DENND1A: variants seen among roughly 807,000 people sequenced by gnomAD.
DENND1A encodes the protein DENN domain containing 1A.
Under a neutral mutation model 113.7 loss-of-function variants are expected in DENND1A, and 51 were observed. The observed-to-expected ratio is 0.45, with a 90% CI of 0.36 to 0.57. The LOEUF is 0.57. Among genes scored for constraint, DENND1A ranks in the 20% least tolerant of loss-of-function variants. The pLI, the probability that DENND1A is intolerant of heterozygous loss-of-function variation, is 0.00. For missense variants in DENND1A, 1,258 were observed against 1,395.9 expected (o/e 0.90, Z 1.57); for synonymous variants, 565 against 570.8 (o/e 0.99, Z 0.14).
intron 12 of DENND1A, among the ~76,000 whole-genome samples, chr9:123,564,428 C>T (rs1288790996): frequency 6.6e-6 from 1 of 152,224 alleles, no homozygotes; most frequent in African/African-American, 2.4e-5. Context: ...TGGAAGGCCC[C>T]GTTTGATTTG....
intron 11 of DENND1A, among the ~76,000 whole-genome samples, chr9:123,595,274 T>C (rs2059633360): frequency 6.6e-6 from 1 of 152,102 alleles, no homozygotes; most frequent in Non-Finnish European, 1.5e-5. Context: ...CATTAACAAG[T>C]CCAGGGATTC....
At chr9:123,401,842 G>A in intron 21 of DENND1A, 1 of 1,614,194 alleles carries the variant, frequency 6.2e-7, no homozygotes, top group Non-Finnish European at 8.5e-7. Flanking sequence ...CCTCTCGTCG[G>A]GAACTTGGCC....
chr9:123,465,267 G>A (rs1015138985), intron 13 of DENND1A, among the ~76,000 whole-genome samples: 1 of 148,900 alleles, frequency 6.7e-6, no homozygotes, highest in Non-Finnish European at 1.5e-5. Flanking sequence ...CAACAGTACA[G>A]TGTGACAGCT....
intron 12 of DENND1A, among the ~76,000 whole-genome samples, chr9:123,562,177 C>T (rs186795086): frequency 1.5e-4 from 23 of 152,310 alleles, no homozygotes; most frequent in Middle Eastern, 3.4e-3. Flanking sequence ...CAAACTTCCA[C>T]GAGCAGACTG....
At chr9:123,711,181 G>C (rs974309715) in intron 5 of DENND1A, among the ~76,000 whole-genome samples, 1 of 151,632 alleles carries the variant, frequency 6.6e-6, no homozygotes, top group African/African-American at 2.4e-5. Flanking sequence ...AAAATATATA[G>C]AGGCCAGGTG....
intron 1 of DENND1A, among the ~76,000 whole-genome samples, chr9:123,911,240 T>C (rs1853894489): frequency 6.6e-6 from 1 of 152,140 alleles, no homozygotes; most frequent in Admixed American, 6.5e-5. Flanking sequence ...AAACATGACA[T>C]TAATGGCTAA....
intron 2 of DENND1A, among the ~76,000 whole-genome samples, chr9:123,793,603 T>A (rs1444309791): frequency 6.6e-6 from 1 of 152,150 alleles, no homozygotes; most frequent in Non-Finnish European, 1.5e-5. Flanking sequence ...TCACAATATA[T>A]GCTACCCATG....
chr9:123,864,308 A>C (rs2133332429), intron 2 of DENND1A, among the ~76,000 whole-genome samples: 1 of 152,290 alleles, frequency 6.6e-6, no homozygotes, highest in African/African-American at 2.4e-5. Context: ...CATAATTAAA[A>C]CCCAAGTCCA....
chr9:123,776,863 A>T (rs1830548595), intron 3 of DENND1A, among the ~76,000 whole-genome samples: 1 of 152,240 alleles, frequency 6.6e-6, no homozygotes, highest in Non-Finnish European at 1.5e-5. Flanking sequence ...GGAAAACGCA[A>T]AGGACAGCTT....
chr9:123,875,428 T>C (rs1012823083), intron 2 of DENND1A, among the ~76,000 whole-genome samples: 6 of 152,218 alleles, frequency 3.9e-5, no homozygotes, highest in Non-Finnish European at 7.3e-5. Context: ...TTAAATATTT[T>C]CTATCCTCCT....
At chr9:123,800,213 A>G (rs1003417956) in intron 2 of DENND1A, among the ~76,000 whole-genome samples, 1 of 152,240 alleles carries the variant, frequency 6.6e-6, no homozygotes, top group Non-Finnish European at 1.5e-5. Flanking sequence ...ATTTACAGAA[A>G]CCCTGAGGTG....
intron 2 of DENND1A, among the ~76,000 whole-genome samples, chr9:123,807,356 C>G (rs1392656782): frequency 6.6e-6 from 1 of 152,202 alleles, no homozygotes; most frequent in East Asian, 1.9e-4. Flanking sequence ...AGGAATCCAT[C>G]CCTGACTACG....
intron 11 of DENND1A, among the ~76,000 whole-genome samples, chr9:123,592,990 C>G (rs990476286): frequency 1.2e-4 from 18 of 152,130 alleles, no homozygotes; most frequent in Admixed American, 6.5e-5. Flanking sequence ...TATAAAAAAT[C>G]AAGATAGCAA....
chr9:123,865,996 G>A (rs1845755495), intron 2 of DENND1A, among the ~76,000 whole-genome samples: 1 of 152,132 alleles, frequency 6.6e-6, no homozygotes. Context: ...TTCCTGGACG[G>A]CCATGATGAA....
intron 3 of DENND1A, among the ~76,000 whole-genome samples, chr9:123,774,703 C>T (rs559725877): frequency 1.3e-5 from 2 of 152,170 alleles, no homozygotes; most frequent in South Asian, 2.1e-4. Flanking sequence ...TCAATATTTA[C>T]CCCTAGTTTA....
At chr9:123,748,099 C>T (rs545924548) in intron 5 of DENND1A, among the ~76,000 whole-genome samples, 38 of 152,304 alleles carry the variant, frequency 2.5e-4, no homozygotes, top group African/African-American at 8.9e-4. Context: ...CTAAGAGCTT[C>T]TTTCCTTGTA....
chr9:123,689,434 C>T (rs150601761), intron 5 of DENND1A, among the ~76,000 whole-genome samples: 250 of 152,226 alleles, frequency 1.6e-3, no homozygotes, highest in African/African-American at 5.6e-3. Context: ...GAAAAATGTA[C>T]GCATGAATCA....
intron 19 of DENND1A, among the ~76,000 whole-genome samples, chr9:123,415,235 C>T (rs138170431): frequency 1.3e-5 from 2 of 152,158 alleles, no homozygotes; most frequent in African/African-American, 2.4e-5. Context: ...TTCTGACACT[C>T]GGGGAGTTTT....
At chr9:123,709,224 T>C (rs1393018962) in intron 5 of DENND1A, among the ~76,000 whole-genome samples, 3 of 152,176 alleles carry the variant, frequency 2.0e-5, no homozygotes, top group Admixed American at 2.0e-4. Flanking sequence ...AACTAAGGCC[T>C]CCTCTGTTCC....
Sources: gnomAD v4.1 joint callset for allele counts (sites outside exome capture counted in the v4.1 genomes callset) on GRCh38, gnomAD v4.1.1 for gene constraint, MANE v1.5 for transcripts, NCBI Gene and HGNC (gene_info 2026-07-23, HGNC 2026-07-21) for gene names.